The following C8A variants were observed in gnomAD, a reference collection of about 807,000 sequenced individuals.
The protein encoded by C8A is complement component C8 alpha chain.
C8A carries 67 observed loss-of-function variants against 65.3 expected under a neutral mutation model. The ratio of observed to expected loss-of-function variants is 1.03; its 90% CI spans 0.84 to 1.26. The LOEUF is 1.26. C8A is among the 50% of genes most tolerant of loss of function. The pLI is 0.00. For synonymous variants in C8A, 290 were observed against 259.4 expected, an observed-to-expected ratio of 1.12 and a Z score of -1.13; for missense variants, 781 against 723.9, an observed-to-expected ratio of 1.08 and a Z score of -0.90.
rs371177949 is a variant in C8A at position 56,884,236 on chromosome 1, G to A, written c.855+555G>A. On this transcript the variant is annotated intron_variant, in intron 6 of 10. Transcript: ENST00000361249. The stretch of plus-strand genomic sequence containing the variant: ...AAAGGGAGACAAAAGTTGGCAGAAA[G>A]GTGCTCTAGGCATGGAAATCAGCAT... Among the ~76,000 whole-genome samples, 418 of 152,158 alleles carry A rather than the reference G, an allele frequency of 2.7e-3. 29 individuals carry two copies. In the South Asian group the frequency reaches 0.08, roughly 29 times the overall value.
chr1:56,868,412 C>T lies in C8A; in HGVS notation c.171+710C>T, dbSNP rs186873178. Among the ~76,000 whole-genome samples, 62 of 151,582 alleles carry T rather than the reference C, an allele frequency of 4.1e-4. 2 individuals are homozygous for T. The East Asian group carries it at 0.011, about 27-fold the overall frequency. On this transcript the variant is annotated intron_variant, in intron 2 of 10. Coordinates refer to ENST00000361249, the MANE Select transcript of C8A (RefSeq NM_000562.3). ...TTACTTGAGCCCAGAAGTTCAAGACCAGCCTGGGCAACATAGCAAGACTTA... is the reference window on the plus strand; with the variant it reads ...TTACTTGAGCCCAGAAGTTCAAGACTAGCCTGGGCAACATAGCAAGACTTA...
intron 7 of C8A, among the ~76,000 whole-genome samples, chr1:56,901,285 T>A (rs1384558931): frequency 6.6e-6 from 1 of 152,166 alleles, no homozygotes; most frequent in Non-Finnish European, 1.5e-5. Context: ...TGAATGGTAT[T>A]TGTTTTTTGC....
At chr1:56,883,349 TGC>T (rs2101237236) in intron 5 of C8A, 130 bp from the exon 6 acceptor site, 1 of 738,904 alleles carries the variant, frequency 1.4e-6, no homozygotes, top group African/African-American at 1.8e-5. Context: ...ATGACTGGAT[TGC>T]CTTATAAAAG....
intron 1 of C8A, among the ~76,000 whole-genome samples, chr1:56,859,058 CTT>C (rs1644005007): frequency 6.6e-6 from 1 of 152,178 alleles, no homozygotes; most frequent in South Asian, 2.1e-4. Context: ...CCCTATTTCT[CTT>C]TTGTCAGAAA....
rs1644197783 is a variant in C8A at position 56,876,216 on chromosome 1, C to T, written c.464+7C>T. 6.2e-7 allele frequency: 1 copy of T among 1,613,686 alleles called. No individual in the cohort carries two copies. Among genetic ancestry groups the T allele is most frequent in the Non-Finnish European group, 8.5e-7 (1 of 1,179,750 alleles). Reference sequence around the variant, plus strand: ...CACAGAAGGCAGCCTTGGGGTGAGGCCCTGCCTACTAGCTATTTAGGAGCA... The same window carrying T: ...CACAGAAGGCAGCCTTGGGGTGAGGTCCTGCCTACTAGCTATTTAGGAGCA... On this transcript the variant is annotated splice_region_variant and intron_variant, in intron 4 of 10. Transcript: ENST00000361249.
At chr1:56,909,199 T>C (rs180877004) in intron 9 of C8A, among the ~76,000 whole-genome samples, 247 of 152,366 alleles carry the variant, frequency 1.6e-3, no homozygotes, top group Non-Finnish European at 2.8e-3. Context: ...CCATATGTGG[T>C]GTAGTCCATT....
At chr1:56,877,133 T>C (rs1163604377) in intron 4 of C8A, among the ~76,000 whole-genome samples, 1 of 152,212 alleles carries the variant, frequency 6.6e-6, no homozygotes, top group Non-Finnish European at 1.5e-5. Flanking sequence ...AAAAGGCGGC[T>C]GTCTTTGAGA....
At chr1:56,856,380 A>G (rs1405323752) in intron 1 of C8A, among the ~76,000 whole-genome samples, 1 of 152,142 alleles carries the variant, frequency 6.6e-6, no homozygotes, top group Non-Finnish European at 1.5e-5. Flanking sequence ...TTAGATCAAT[A>G]CCTGTTACCT....
intron 3 of C8A, among the ~76,000 whole-genome samples, chr1:56,875,496 C>A (rs886490046): frequency 6.6e-5 from 10 of 152,116 alleles, no homozygotes; most frequent in Non-Finnish European, 1.5e-5. Flanking sequence ...TAGCCATGGG[C>A]ACATGCATGG....
chr1:56,859,176 G>A (rs1226717203), intron 1 of C8A, among the ~76,000 whole-genome samples: 2 of 152,194 alleles, frequency 1.3e-5, no homozygotes, highest in Non-Finnish European at 2.9e-5. Flanking sequence ...CCTTAAGCAA[G>A]TTATTTCAAC....
chr1:56,897,740 C>T (rs916866959), intron 7 of C8A, among the ~76,000 whole-genome samples: 1 of 152,094 alleles, frequency 6.6e-6, no homozygotes, highest in Non-Finnish European at 1.5e-5. Flanking sequence ...ACCCTTGTTG[C>T]ACAAAGTTGG....
chr1:56,885,427 A>AAAT (rs1557705830), intron 6 of C8A, among the ~76,000 whole-genome samples: 2 of 103,934 alleles, frequency 1.9e-5, no homozygotes, highest in Non-Finnish European at 1.7e-5. Context: ...TATATATTTA[A>AAAT]ATATATATTT....
intron 6 of C8A, 70 bp from the exon 7 acceptor site, chr1:56,885,857 G>A: frequency 1.2e-6 from 2 of 1,607,662 alleles, no homozygotes; most frequent in Non-Finnish European, 1.7e-6. Flanking sequence ...GAGACCTTTT[G>A]CATTATTTCT....
chr1:56,874,953 G>A lies in C8A; in HGVS notation c.176G>A (p.Arg59Gln), dbSNP rs369702409. Residue 59 changes from arginine to glutamine, a missense_variant, in exon 3 of 11, where the codon CGA becomes CAA. Coordinates refer to ENST00000361249, the MANE Select transcript of C8A (RefSeq NM_000562.3). ...CTTGTTCAAAATCTGGTTTAGTACC[G>A]ACACCGGAGCCTCTTGCAGCCAAAC... ...DCFPCQDKKY[R>Q]HRSLLQPNKF... The A allele has an allele frequency of 4.2e-4, 676 of 1,613,528 alleles. 7 individuals carry two copies. The South Asian group carries it at 6.8e-3, about 16-fold the overall frequency.
intron 7 of C8A, among the ~76,000 whole-genome samples, chr1:56,902,242 T>C (rs1644432363): frequency 6.6e-6 from 1 of 152,150 alleles, no homozygotes. Flanking sequence ...AAGCCTAAAC[T>C]TGCCTTCCTG....
Position 56,854,921 on chromosome 1 carries a change from T to A in C8A, c.20T>A (p.Phe7Tyr). The A allele has an allele frequency of 6.2e-7, 1 of 1,613,734 alleles. No homozygotes were observed. Among genetic ancestry groups the A allele is most frequent in the Non-Finnish European group, 8.5e-7 (1 of 1,179,846 alleles). The change falls in exon 1 of 11, where the codon TTC becomes TAC. Residue 7 changes from phenylalanine to tyrosine, a missense_variant. By Grantham distance (22) the Phe-to-Tyr change is conservative. Coordinates refer to ENST00000361249, the MANE Select transcript of C8A (RefSeq NM_000562.3). MFAVVFFILSLMTCQPG... is the reference protein window; with the variant it reads MFAVVFYILSLMTCQPG... ...GCTGAGATGTTTGCTGTTGTTTTCT[T>A]CATCTTGTCTTTGATGACTTGTCAG... is the stretch of plus-strand genomic sequence containing the variant.
intron 7 of C8A, among the ~76,000 whole-genome samples, chr1:56,887,970 C>G (rs1161996783): frequency 6.6e-6 from 1 of 152,046 alleles, no homozygotes; most frequent in Non-Finnish European, 1.5e-5. Flanking sequence ...ATATCACACA[C>G]CAGGGCCTGT....
chr1:56,914,897 C>T (rs908918732), intron 10 of C8A, among the ~76,000 whole-genome samples: 3 of 152,098 alleles, frequency 2.0e-5, no homozygotes, highest in African/African-American at 4.8e-5. Flanking sequence ...AGGCTGGTCT[C>T]GAACTCCTAG....
chr1:56,886,244 G>A, intron 7 of C8A, 77 bp downstream of exon 7: 2 of 1,552,648 alleles, frequency 1.3e-6, no homozygotes, highest in Non-Finnish European at 1.8e-6. Context: ...TCTAAGCACT[G>A]ACTATGAGCC....
Sources: allele counts gnomAD v4.1 joint callset (sites outside exome capture counted in the v4.1 genomes callset), GRCh38; gene constraint gnomAD v4.1.1; transcripts MANE v1.5; gene names NCBI Gene and HGNC (gene_info 2026-07-23, HGNC 2026-07-21).